The following MARK2 variants were observed in gnomAD, a reference collection of about 807,000 sequenced individuals.
MARK2 encodes microtubule affinity regulating kinase 2.
In MARK2, 16 loss-of-function variants were observed where a neutral mutation model predicts 89.8. The ratio of observed to expected loss-of-function variants is 0.18; its 90% CI spans 0.12 to 0.27. The LOEUF is 0.27. Ranked by LOEUF, MARK2 falls within the 10% of genes least tolerant of loss-of-function variation. The pLI is 1.00. For synonymous variants in MARK2, 382 were observed against 399.5 expected, an observed-to-expected ratio of 0.96 and a Z score of 0.52; for missense variants, 621 against 1,049.9, an observed-to-expected ratio of 0.59 and a Z score of 5.65.
rs560808613 is a variant in MARK2, at chr11:63,901,082, C to T, written c.1101+13C>T. The stretch of plus-strand genomic sequence containing the variant: ...CAAGAGCTCCGAGGTGTGTGCTCCC[C>T]GCCCCATTCTCTGACCTGGCCAGCC... On this transcript the variant is annotated intron_variant, in intron 11 of 18. Coordinates refer to ENST00000402010, the MANE Select transcript of MARK2 (RefSeq NM_001039469.3). 33 of 1,573,282 alleles carry T rather than the reference C, an allele frequency of 2.1e-5. No individual in the cohort carries two copies. The highest frequency in any genetic ancestry group is 6.7e-5 in the African/African-American group (5 of 74,252).
At chr11:63,853,141 G>A (rs1054073678) in intron 1 of MARK2, among the ~76,000 whole-genome samples, 4 of 152,228 alleles carry the variant, frequency 2.6e-5, no homozygotes, top group Non-Finnish European at 5.9e-5. Context: ...GCTCATGCCT[G>A]TAATCCCAGC....
chr11:63,899,987 T>C lies in MARK2; in HGVS notation c.645T>C (p.Tyr215=), dbSNP rs199581739. The change falls in exon 8 of 19, where the codon TAT becomes TAC. Residue 215 remains tyrosine (Y), a synonymous_variant. Transcript: ENST00000402010. ...KLDTFCGSPP[Y]AAPELFQGKK... is the part of the protein sequence containing the mutation. ...ACACCTTCTGTGGCAGTCCCCCTTATGCTGCCCCAGAACTCTTCCAGGGCA... is the reference window on the plus strand; with the variant it reads ...ACACCTTCTGTGGCAGTCCCCCTTACGCTGCCCCAGAACTCTTCCAGGGCA... 22 of 1,613,886 alleles carry C rather than the reference T, an allele frequency of 1.4e-5. No homozygotes were observed. In the Admixed American group the frequency reaches 2.8e-4, roughly 21 times the overall value.
intron 1 of MARK2, among the ~76,000 whole-genome samples, chr11:63,861,082 G>C (rs1937742320): frequency 6.6e-6 from 1 of 152,176 alleles, no homozygotes; most frequent in African/African-American, 2.4e-5. Flanking sequence ...TTCAGTTCCA[G>C]AATTGAACTT....
At chr11:63,889,107 T>G in intron 1 of MARK2, 1 of 547,980 alleles carries the variant, frequency 1.8e-6, no homozygotes, top group South Asian at 1.6e-5. Flanking sequence ...TGTCCAGATG[T>G]GGAAGAGGCA....
At chr11:63,901,393 CTT>C (rs1350273867) in intron 11 of MARK2, among the ~76,000 whole-genome samples, 1 of 133,676 alleles carries the variant, frequency 7.5e-6, no homozygotes, top group African/African-American at 2.9e-5. Flanking sequence ...CTTTGTGTCT[CTT>C]TTTGTATCTG....
intron 1 of MARK2, among the ~76,000 whole-genome samples, chr11:63,858,679 C>T (rs1937597199): frequency 6.6e-6 from 1 of 152,194 alleles, no homozygotes; most frequent in African/African-American, 2.4e-5. Flanking sequence ...CAATAAATAT[C>T]AGTAGCTATC....
chr11:63,839,805 C>G (rs1287917870), intron 1 of MARK2, among the ~76,000 whole-genome samples: 2 of 152,234 alleles, frequency 1.3e-5, no homozygotes, highest in South Asian at 4.2e-4. Context: ...TCACCGCCCT[C>G]CTGCGCTCTT....
Position 63,904,205 on chromosome 11 carries a change from C to T in MARK2, c.1676+58C>T, listed in dbSNP as rs1941138783. 1.8e-5 allele frequency: 26 copies of T among 1,424,542 alleles called. No individual in the cohort carries two copies. Among genetic ancestry groups the T allele is most frequent in the Admixed American group, 2.8e-5 (1 of 36,006 alleles). The allele number at this position is 1,424,542 out of a possible 1,614,324, so 88.2% of individuals were successfully genotyped here. On this transcript the variant is annotated intron_variant, in intron 15 of 18. Coordinates refer to ENST00000402010, the MANE Select transcript of MARK2 (RefSeq NM_001039469.3). This position sits in a 1 kb window ranked among gnomAD's most constrained non-coding sequence, Gnocchi z 6.3. ...GCCCTCAGCCCACCCTACCCCCTTG[C>T]CCCAACAATTTCTTCTTCCCACTTG...
chr11:63,853,345 G>A (rs1274199434), intron 1 of MARK2, among the ~76,000 whole-genome samples: 2 of 151,834 alleles, frequency 1.3e-5, no homozygotes, highest in East Asian at 3.9e-4. Context: ...GTTGCAGTGA[G>A]CCGAGATCGT....
intron 1 of MARK2, chr11:63,868,956 C>T: frequency 2.3e-6 from 1 of 442,894 alleles, no homozygotes; most frequent in South Asian, 1.6e-5. Context: ...AGATCAGTCG[C>T]TTTTCCTGAT....
intron 1 of MARK2, among the ~76,000 whole-genome samples, chr11:63,889,541 C>G (rs1164974420): frequency 1.3e-5 from 2 of 152,236 alleles, no homozygotes; most frequent in East Asian, 3.9e-4. Context: ...GGGGTGGAGG[C>G]TGTCTTCCGG....
At chr11:63,880,587 G>T (rs1939028240) in intron 1 of MARK2, among the ~76,000 whole-genome samples, 1 of 152,202 alleles carries the variant, frequency 6.6e-6, no homozygotes, top group East Asian at 1.9e-4. Context: ...AAGCAGTAGA[G>T]AAACTAAATG....
intron 1 of MARK2, among the ~76,000 whole-genome samples, chr11:63,879,367 A>G (rs1052360270): frequency 3.3e-5 from 5 of 152,100 alleles, no homozygotes; most frequent in African/African-American, 1.2e-4. Flanking sequence ...CACACAAGTA[A>G]GTTGTCCTCC....
intron 1 of MARK2, 67 bp downstream of exon 1, chr11:63,839,627 C>T (rs995897965): frequency 2.2e-5 from 22 of 988,982 alleles, no homozygotes; most frequent in East Asian, 5.6e-5. Flanking sequence ...AGCCTCCTCC[C>T]TCTTCTGCTC....
rs543286823 is a variant in MARK2 at position 63,867,291 on chromosome 11, G to T, written c.54+27731G>T. On this transcript the variant is annotated intron_variant, in intron 1 of 18. Coordinates refer to ENST00000402010, the MANE Select transcript of MARK2 (RefSeq NM_001039469.3). ...GATCCGCCTGCCTCAGCCTCCTGAA[G>T]TGCTGGGATACCAGGTGTGAGCTAC... 2.1e-4 allele frequency among the ~76,000 whole-genome samples: 32 copies of T among 152,368 alleles called. No individual in the cohort carries two copies. The South Asian group carries it at 5.6e-3, about 27-fold the overall frequency.
At chr11:63,908,164 G>A in intron 17 of MARK2, 96 bp from the exon 18 acceptor site, 1 of 1,152,156 alleles carries the variant, frequency 8.7e-7, no homozygotes, top group South Asian at 1.3e-5. Context: ...CCCACCCACT[G>A]GTGGCACCTC....
At chr11:63,899,317 C>G (rs1415352976) in intron 7 of MARK2, among the ~76,000 whole-genome samples, 1 of 151,810 alleles carries the variant, frequency 6.6e-6, no homozygotes. Context: ...GTGGCTGGAC[C>G]TCGGGTTCCA....
chr11:63,850,315 ATTTTTTT>A (rs34074167), intron 1 of MARK2, among the ~76,000 whole-genome samples: 1,098 of 95,818 alleles, frequency 0.011, 21 homozygotes, highest in African/African-American at 0.04. Context: ...TACCTGGCTA[ATTTTTTT>A]TTTTTTTTTT....
chr11:63,858,842 C>G (rs1307602464), intron 1 of MARK2, among the ~76,000 whole-genome samples: 1 of 152,122 alleles, frequency 6.6e-6, no homozygotes, highest in Admixed American at 6.5e-5. Context: ...CTCTGTTTTG[C>G]AATTTCTGGG....
Sources: allele counts gnomAD v4.1 joint callset (sites outside exome capture counted in the v4.1 genomes callset), GRCh38; gene constraint gnomAD v4.1.1; non-coding constraint Gnocchi (gnomAD v3.1); transcripts MANE v1.5; gene names NCBI Gene and HGNC (gene_info 2026-07-23, HGNC 2026-07-21).